TGFA: variants seen among roughly 807,000 people sequenced by gnomAD.
TGFA encodes protransforming growth factor alpha.
TGFA carries 12 observed loss-of-function variants against 21.7 expected under a neutral mutation model. That is an observed-to-expected ratio of 0.55 (90% confidence interval 0.35 to 0.90). The LOEUF (loss-of-function observed/expected upper bound fraction) is 0.90, where lower values mean the gene tolerates loss of function less well. Among genes scored for constraint, TGFA ranks in the 40% least tolerant of loss-of-function variants. TGFA has a pLI of 0.01. For missense variants in TGFA, 178 were observed against 210.8 expected (o/e 0.84, Z 0.96); for synonymous variants, 79 against 88.1 (o/e 0.90, Z 0.58).
chr2:70,450,730 C>T lies in TGFA; in HGVS notation c.*129G>A, dbSNP rs189105998. ...AGTTTTGAAGGCCCACAAAAGGCTGCACAGGTGATTACAGGCCAAGTAGGA... is the reference window on the plus strand; with the variant it reads ...AGTTTTGAAGGCCCACAAAAGGCTGTACAGGTGATTACAGGCCAAGTAGGA... On this transcript the variant is annotated 3_prime_UTR_variant, in exon 6 of 6. Transcript: ENST00000295400. 15 of 1,042,522 alleles carry T rather than the reference C, an allele frequency of 1.4e-5. No individual in the cohort carries two copies. The Admixed American group carries it at 2.7e-4, about 18-fold the overall frequency. 64.6% of individuals were successfully genotyped at this position (1,042,522 alleles called of 1,614,324 possible). A position where few individuals can be genotyped will look rare whatever the true frequency, so the allele number is the denominator to read the frequency against.
chr2:70,475,539 A>T (rs1053897724), intron 2 of TGFA, among the ~76,000 whole-genome samples: 2 of 152,110 alleles, frequency 1.3e-5, no homozygotes, highest in Non-Finnish European at 2.9e-5. Flanking sequence ...GATGTGTGTG[A>T]GAGAGAGTTG....
At chr2:70,515,348 T>G (rs1553501468) in intron 1 of TGFA, among the ~76,000 whole-genome samples, 2 of 152,192 alleles carry the variant, frequency 1.3e-5, no homozygotes, top group African/African-American at 2.4e-5. Context: ...GTTTGCTATT[T>G]ATGTCATTGC....
chr2:70,527,152 T>A (rs1574134415), intron 1 of TGFA, among the ~76,000 whole-genome samples: 1 of 152,248 alleles, frequency 6.6e-6, no homozygotes, highest in African/African-American at 2.4e-5. Context: ...TGCATATAGA[T>A]GCTTACAGTA....
chr2:70,473,807 G>A (rs1670846496), intron 2 of TGFA, among the ~76,000 whole-genome samples: 1 of 152,088 alleles, frequency 6.6e-6, no homozygotes, highest in South Asian at 2.1e-4. Flanking sequence ...TTAGCCTGCA[G>A]TACCATCATT....
intron 4 of TGFA, 46 bp downstream of exon 4, chr2:70,456,293 G>A: frequency 6.6e-7 from 1 of 1,522,778 alleles, no homozygotes; most frequent in African/African-American, 1.4e-5. Context: ...GTCCCTGGTA[G>A]GGGAGGTGGG....
chr2:70,535,887 C>A (rs1295847699), intron 1 of TGFA, among the ~76,000 whole-genome samples: 1 of 152,088 alleles, frequency 6.6e-6, no homozygotes, highest in East Asian at 1.9e-4. Context: ...ATATAGGATT[C>A]AAAAAAGAAT....
intron 3 of TGFA, among the ~76,000 whole-genome samples, chr2:70,463,026 G>C (rs2103689606): frequency 6.6e-6 from 1 of 152,168 alleles, no homozygotes; most frequent in East Asian, 2.0e-4. Context: ...GGTGAATTTT[G>C]CCAAGCAGAG....
intron 2 of TGFA, among the ~76,000 whole-genome samples, chr2:70,473,072 T>C (rs1190234348): frequency 6.6e-6 from 1 of 152,148 alleles, no homozygotes; most frequent in Non-Finnish European, 1.5e-5. Flanking sequence ...ATAAATCTGA[T>C]ACTCCCAGGT....
intron 2 of TGFA, among the ~76,000 whole-genome samples, chr2:70,503,060 C>T (rs1379625595): frequency 6.6e-6 from 1 of 152,114 alleles, no homozygotes; most frequent in Non-Finnish European, 1.5e-5. Context: ...TTGACCCAGC[C>T]ATCCCATTAC....
chr2:70,484,515 T>C (rs1235975639), intron 2 of TGFA, among the ~76,000 whole-genome samples: 4 of 152,230 alleles, frequency 2.6e-5, no homozygotes, highest in African/African-American at 9.6e-5. Context: ...ATTTCTTTAC[T>C]TCATAACAGC....
At chr2:70,545,014 T>C (rs140605199) in intron 1 of TGFA, among the ~76,000 whole-genome samples, 210 of 152,092 alleles carry the variant, frequency 1.4e-3, no homozygotes, top group Admixed American at 3.8e-3. Flanking sequence ...GCTAAAAGAG[T>C]ATAATTGGAT....
At chr2:70,553,124 A>G (rs981233112) in intron 1 of TGFA, 22 of 1,521,250 alleles carry the variant, frequency 1.4e-5, no homozygotes, top group Admixed American at 4.0e-5. Context: ...CACCGAAACC[A>G]CTTCTCCCAG....
rs72910068 is a variant in TGFA at position 70,522,266 on chromosome 2, G to A, written c.41-7354C>T. On this transcript the variant is annotated intron_variant, in intron 1 of 5. Coordinates refer to ENST00000295400, the MANE Select transcript of TGFA (RefSeq NM_003236.4). ...ATCAAAGACTTGGACTAGGGGCTGG[G>A]TAGTGAGTAGTGAGGGTGTACAGAT... Among the ~76,000 whole-genome samples the A allele has an allele frequency of 6.0e-3, 911 of 152,270 alleles. 7 individuals carry two copies. The highest frequency in any genetic ancestry group is 0.02 in the African/African-American group (820 of 41,534).
At chr2:70,466,363 C>T (rs183347140) in intron 2 of TGFA, among the ~76,000 whole-genome samples, 10 of 152,132 alleles carry the variant, frequency 6.6e-5, no homozygotes, top group East Asian at 1.9e-4. Context: ...AAAAATTAGC[C>T]GGGCGAGGTG....
intron 2 of TGFA, among the ~76,000 whole-genome samples, chr2:70,484,480 G>A (rs782647743): frequency 1.1e-4 from 17 of 152,106 alleles, no homozygotes; most frequent in Admixed American, 5.9e-4. Context: ...GAGCCTATTT[G>A]TTTATTTGGG....
At chr2:70,504,863 G>C (rs750559954) in intron 2 of TGFA, among the ~76,000 whole-genome samples, 18 of 152,142 alleles carry the variant, frequency 1.2e-4, no homozygotes, top group Non-Finnish European at 2.4e-4. Flanking sequence ...GTGGTGAAGT[G>C]CTTAGAATTC....
intron 2 of TGFA, among the ~76,000 whole-genome samples, chr2:70,470,113 A>G (rs1670692372): frequency 6.6e-6 from 1 of 151,976 alleles, no homozygotes. Context: ...AGGAAGGGAG[A>G]CAGAGAGTAG....
rs373697519 is a variant in TGFA at position 70,547,812 on chromosome 2, C to CTA, written c.40+5914_40+5915dup. Reference sequence around the variant, plus strand: ...ATACTATCTATACAATATATACTATCTATATATATACTATCTATAGATATA... The same window carrying CTA: ...ATACTATCTATACAATATATACTATCTATATATATATACTATCTATAGATATA... On this transcript the variant is annotated intron_variant, in intron 1 of 5. Transcript: ENST00000295400. Among the ~76,000 whole-genome samples, 492 of 146,724 alleles carry CTA rather than the reference C, an allele frequency of 3.4e-3. 5 individuals carry two copies. The highest frequency in any genetic ancestry group is 0.011 in the African/African-American group (445 of 40,262).
chr2:70,492,437 G>A (rs1161943907), intron 2 of TGFA, among the ~76,000 whole-genome samples: 1 of 152,116 alleles, frequency 6.6e-6, no homozygotes, highest in Non-Finnish European at 1.5e-5. Flanking sequence ...CAAGATGAGT[G>A]GCTGCATGCC....
Sources: gnomAD v4.1 joint callset for allele counts (sites outside exome capture counted in the v4.1 genomes callset) on GRCh38, gnomAD v4.1.1 for gene constraint, MANE v1.5 for transcripts, NCBI Gene and HGNC (gene_info 2026-07-23, HGNC 2026-07-21) for gene names.